Variants in KLF3 observed in about 807,000 individuals in gnomAD.
The protein encoded by KLF3 is KLF transcription factor 3.
In KLF3, 6 loss-of-function variants were observed where a neutral mutation model predicts 32.7. The ratio of observed to expected loss-of-function variants is 0.18; its 90% confidence interval spans 0.10 to 0.36. KLF3 has a LOEUF of 0.36. Among genes scored for constraint, KLF3 ranks in the 10% least tolerant of loss-of-function variants. The pLI, the probability that KLF3 is intolerant of heterozygous loss-of-function variation, is 1.00. For synonymous variants in KLF3, 145 were observed against 172.8 expected (o/e 0.84, Z 1.26); for missense variants, 338 against 449.7 (o/e 0.75, Z 2.25).
At chr4:38,686,302 G>A (rs902414429) in intron 2 of KLF3, among the ~76,000 whole-genome samples, 27 of 151,598 alleles carry the variant, frequency 1.8e-4, no homozygotes, top group Admixed American at 1.3e-3. Flanking sequence ...AAAAATTAGC[G>A]AGGCGTGGTG....
At chr4:38,684,889 T>C (rs1214671369) in intron 2 of KLF3, among the ~76,000 whole-genome samples, 1 of 152,132 alleles carries the variant, frequency 6.6e-6, no homozygotes, top group Non-Finnish European at 1.5e-5. Flanking sequence ...AGATCCCTAG[T>C]GGGGGCCAGA....
rs938712735 is a variant in KLF3 at position 38,698,392 on chromosome 4, T to G, written c.*1129T>G. The G allele has an allele frequency of 6.6e-6, 1 of 152,640 alleles. No homozygotes were observed. The highest frequency in any genetic ancestry group is 2.4e-5 in the African/African-American group (1 of 41,454). The allele number at this position is 152,640 out of a possible 1,614,324, so 9.5% of individuals were successfully genotyped here. A position where few individuals can be genotyped will look rare whatever the true frequency, so the allele number is the denominator to read the frequency against. ...ACAGAAACTCTTCCTGTGTGAGCTGTTAAGGTGCCAAATTGGCTGTCATTT... is the reference window on the plus strand; with the variant it reads ...ACAGAAACTCTTCCTGTGTGAGCTGGTAAGGTGCCAAATTGGCTGTCATTT... On this transcript the variant is annotated 3_prime_UTR_variant, in exon 6 of 6. Transcript: ENST00000261438.
In KLF3 at chr4:38,671,432, C is replaced by A. The variant is rs1230448200; in HGVS notation, c.-40+6971C>A. 6.6e-6 allele frequency among the ~76,000 whole-genome samples: 1 copy of A among 152,132 alleles called. No homozygotes were observed. The highest frequency in any genetic ancestry group is 2.4e-5 in the African/African-American group (1 of 41,416). ...TCTTTTGATCTTGCATCCAAGTGTG[C>A]GTACTGAGACAGGGTGGGCAGCAGG... On this transcript the variant is annotated intron_variant, in intron 1 of 5. Transcript: ENST00000261438. This position sits in a 1 kb window ranked among gnomAD's most constrained non-coding sequence, Gnocchi z 4.4.
chr4:38,680,794 T>A, intron 2 of KLF3, 112 bp downstream of exon 2: 1 of 725,712 alleles, frequency 1.4e-6, no homozygotes, highest in Non-Finnish European at 2.4e-6. Context: ...CTCACGCCTG[T>A]AATCCCAGCA....
rs1723181899 is a variant in KLF3 at position 38,701,132 on chromosome 4, C to CT, written c.*3870dup. The stretch of plus-strand genomic sequence containing the variant: ...ACCCTTGCTTAGAACATTACTTACT[C>CT]TGATGGGCAGTTATTGTTGATGGAG... On this transcript the variant is annotated 3_prime_UTR_variant, in exon 6 of 6. Transcript: ENST00000261438. The CT allele has an allele frequency of 6.6e-6, 1 of 152,194 alleles. No homozygotes were observed. The highest frequency in any genetic ancestry group is 1.5e-5 in the Non-Finnish European group (1 of 68,036). 9.4% of individuals were successfully genotyped at this position (152,194 alleles called of 1,614,324 possible).
At chr4:38,664,592 G>A (rs3733317) in intron 1 of KLF3, 131 bp downstream of exon 1, 2 of 151,554 alleles carry the variant, frequency 1.3e-5, no homozygotes, top group Non-Finnish European at 2.9e-5. Context: ...GCTGGTGTTG[G>A]GGGGGGCGCC....
At chr4:38,692,726 A>G (rs1423768621) in intron 4 of KLF3, among the ~76,000 whole-genome samples, 1 of 152,142 alleles carries the variant, frequency 6.6e-6, no homozygotes, top group Non-Finnish European at 1.5e-5. Flanking sequence ...GGGCAGTCAG[A>G]ATTACTGCAC....
At chr4:38,691,540 T>A (rs899908473) in intron 4 of KLF3, among the ~76,000 whole-genome samples, 4 of 152,158 alleles carry the variant, frequency 2.6e-5, no homozygotes, top group African/African-American at 9.7e-5. Flanking sequence ...AAAGTCTGGG[T>A]TATTATGAGT....
At chr4:38,670,929 C>G (rs952500832) in intron 1 of KLF3, among the ~76,000 whole-genome samples, 2 of 152,202 alleles carry the variant, frequency 1.3e-5, no homozygotes, top group Admixed American at 1.3e-4. Flanking sequence ...CTGAGTTATG[C>G]CATAGGATGG....
In KLF3 at chr4:38,671,353, G is replaced by A. The variant is rs562881060; in HGVS notation, c.-40+6892G>A. Among the ~76,000 whole-genome samples, 1 of 152,342 alleles carries A rather than the reference G, an allele frequency of 6.6e-6. No homozygotes were observed. ...TTTTCTCAGCAGTTATATCGACAAT[G>A]CAGGTGCACTGGCTAGGAAGAATAA... is the stretch of plus-strand genomic sequence containing the variant. On this transcript the variant is annotated intron_variant, in intron 1 of 5. Coordinates refer to ENST00000261438, the MANE Select transcript of KLF3 (RefSeq NM_016531.6). This position sits in a 1 kb window ranked among gnomAD's most constrained non-coding sequence, Gnocchi z 4.4.
At chr4:38,692,754 C>T (rs961407420) in intron 4 of KLF3, among the ~76,000 whole-genome samples, 1 of 151,996 alleles carries the variant, frequency 6.6e-6, no homozygotes, top group Non-Finnish European at 1.5e-5. Flanking sequence ...ATTAGATTCC[C>T]AACCCATAAA....
rs910355183 is a variant in KLF3, at chr4:38,689,177, A to G, written c.544+106A>G. The G allele has an allele frequency of 5.8e-6, 8 of 1,383,294 alleles. No homozygotes were observed. The African/African-American group carries it at 1.1e-4, about 20-fold the overall frequency. 85.7% of individuals were successfully genotyped at this position (1,383,294 alleles called of 1,614,324 possible). Reference sequence around the variant, plus strand: ...GGGGGCAAGAGCTGTTGAACTCTTCAAAGGAAATACTCATCTGCCTAAGGC... The same window carrying G: ...GGGGGCAAGAGCTGTTGAACTCTTCGAAGGAAATACTCATCTGCCTAAGGC... On this transcript the variant is annotated intron_variant, in intron 3 of 5. Coordinates refer to ENST00000261438, the MANE Select transcript of KLF3 (RefSeq NM_016531.6).
rs145884765 is a variant in KLF3 at position 38,698,953 on chromosome 4, T to C, written c.*1690T>C. ...AACTTTAACTGGGAGGAATACATTGTTTGATCATTTTTAAAACATCTGTGA... is the reference window on the plus strand; with the variant it reads ...AACTTTAACTGGGAGGAATACATTGCTTGATCATTTTTAAAACATCTGTGA... On this transcript the variant is annotated 3_prime_UTR_variant, in exon 6 of 6. Coordinates refer to ENST00000261438, the MANE Select transcript of KLF3 (RefSeq NM_016531.6). 97 of 152,306 alleles carry C rather than the reference T, an allele frequency of 6.4e-4. 1 individual carries two copies. The highest frequency in any genetic ancestry group is 2.0e-3 in the African/African-American group (85 of 41,558). The allele number at this position is 152,306 out of a possible 1,614,324, so 9.4% of individuals were successfully genotyped here.
At chr4:38,679,664 G>A (rs1722456941) in intron 1 of KLF3, among the ~76,000 whole-genome samples, 1 of 152,200 alleles carries the variant, frequency 6.6e-6, no homozygotes, top group Admixed American at 6.5e-5. Flanking sequence ...AAACTGATGT[G>A]TTCACACAGT....
At position 38,688,196 on chromosome 4, in the gene KLF3, G is replaced by A. The variant is rs1473819785; in HGVS notation, c.58-389G>A. On this transcript the variant is annotated intron_variant, in intron 2 of 5. Transcript: ENST00000261438. This position sits in a 1 kb window ranked among gnomAD's most constrained non-coding sequence, Gnocchi z 4.9. Reference sequence around the variant, plus strand: ...CCAGAAAAGCAACCAGGTTGGTTTGGCTTGACTGGTTCTTGTGATGCCCAC... The same window carrying A: ...CCAGAAAAGCAACCAGGTTGGTTTGACTTGACTGGTTCTTGTGATGCCCAC... Among the ~76,000 whole-genome samples, 1 of 152,186 alleles carries A rather than the reference G, an allele frequency of 6.6e-6. No individual in the cohort carries two copies. The highest frequency in any genetic ancestry group is 1.5e-5 in the Non-Finnish European group (1 of 68,034).
At chr4:38,694,221 G>GTTAC (rs1279954687) in intron 4 of KLF3, among the ~76,000 whole-genome samples, 50 of 152,296 alleles carry the variant, frequency 3.3e-4, no homozygotes, top group Non-Finnish European at 6.0e-4. Context: ...TAAAAACGTA[G>GTTAC]ATATACCCTA....
chr4:38,681,312 A>C (rs972528654), intron 2 of KLF3, among the ~76,000 whole-genome samples: 4 of 152,188 alleles, frequency 2.6e-5, no homozygotes, highest in African/African-American at 9.7e-5. Flanking sequence ...GTGTAAAAAT[A>C]TATTAAGAAT....
chr4:38,695,808 A>G (rs1723030537), intron 5 of KLF3, among the ~76,000 whole-genome samples: 1 of 152,182 alleles, frequency 6.6e-6, no homozygotes, highest in African/African-American at 2.4e-5. Context: ...TTTGATGTGG[A>G]ATTCTAGTTT....
rs570637105 is a variant in KLF3 at position 38,669,937 on chromosome 4, C to T, written c.-40+5476C>T. Among the ~76,000 whole-genome samples, 100 of 46,896 alleles carry T rather than the reference C, an allele frequency of 2.1e-3. 4 individuals carry two copies. The South Asian group carries it at 0.076, about 36-fold the overall frequency. The allele number at this position is 46,896 out of a possible 152,430, so 30.8% of individuals were successfully genotyped here. A position where few individuals can be genotyped will look rare whatever the true frequency, so the allele number is the denominator to read the frequency against. On this transcript the variant is annotated intron_variant, in intron 1 of 5. Transcript: ENST00000261438. ...AAAAAAAAAAAAGATGTCCTCTTAA[C>T]TGGCCTTGTCCTTATTCTGTAATGA...
Sources: gnomAD v4.1 joint callset for allele counts (sites outside exome capture counted in the v4.1 genomes callset) on GRCh38, gnomAD v4.1.1 for gene constraint, Gnocchi (gnomAD v3.1) non-coding constraint, MANE v1.5 for transcripts, NCBI Gene and HGNC (gene_info 2026-07-23, HGNC 2026-07-21) for gene names.